The following PHLPP1 variants were observed in gnomAD, a reference collection of about 807,000 sequenced individuals.
PHLPP1 encodes PH domain and leucine rich repeat protein phosphatase 1, also known as PH domain leucine-rich repeat-containing protein phosphatase 1.
A neutral mutation model predicts 117.2 loss-of-function variants in PHLPP1; 42 were observed. The observed-to-expected ratio is 0.36, with a 90% CI of 0.28 to 0.46. PHLPP1 has a LOEUF of 0.46. Ranked by LOEUF, PHLPP1 falls within the 20% of genes least tolerant of loss-of-function variation. PHLPP1 has a pLI of 1.00. For missense variants in PHLPP1, 2,084 were observed against 2,241.9 expected (o/e 0.93, Z 1.42); for synonymous variants, 1,042 against 970.7 (o/e 1.07, Z -1.37).
At chr18:62,747,708 CG>C (rs1238770925) in intron 1 of PHLPP1, among the ~76,000 whole-genome samples, 2 of 151,724 alleles carry the variant, frequency 1.3e-5, no homozygotes, top group Non-Finnish European at 2.9e-5. Flanking sequence ...TTTGTAGAGA[CG>C]GGGTCTCACT....
At chr18:62,763,040 C>A (rs1307954056) in intron 1 of PHLPP1, among the ~76,000 whole-genome samples, 1 of 152,152 alleles carries the variant, frequency 6.6e-6, no homozygotes, top group East Asian at 1.9e-4. Context: ...GCAGCTAAAT[C>A]CACAAAGTCT....
intron 1 of PHLPP1, among the ~76,000 whole-genome samples, chr18:62,726,206 G>C (rs1410186313): frequency 6.6e-6 from 1 of 152,018 alleles, no homozygotes. Context: ...GGATGGGAGG[G>C]GGTGAGTAGG....
chr18:62,974,471 C>T (rs1397216313), intron 15 of PHLPP1, among the ~76,000 whole-genome samples: 2 of 152,158 alleles, frequency 1.3e-5, no homozygotes, highest in African/African-American at 4.8e-5. Context: ...TGAGGGTCTG[C>T]CCTTGTAAAA....
In PHLPP1 at chr18:62,978,220, G is replaced by A; in HGVS notation, c.3985-42G>A. ...GGGAACCTGCACAGTTGCCGCAGGT[G>A]CTCTGTATTAACTGTCTGTCTGCAA... On this transcript the variant is annotated intron_variant, in intron 16 of 16. Transcript: ENST00000262719. This position sits in a 1 kb window ranked among gnomAD's most constrained non-coding sequence, Gnocchi z 7.0. 1 of 1,213,936 alleles carries A rather than the reference G, an allele frequency of 8.2e-7. No homozygotes were observed. Among genetic ancestry groups the A allele is most frequent in the East Asian group, 2.5e-5 (1 of 40,700 alleles). The allele number at this position is 1,213,936 out of a possible 1,614,324, so 75.2% of individuals were successfully genotyped here.
intron 1 of PHLPP1, among the ~76,000 whole-genome samples, chr18:62,734,453 A>C (rs1366248073): frequency 6.6e-6 from 1 of 152,236 alleles, no homozygotes; most frequent in Non-Finnish European, 1.5e-5. Context: ...TACTACACAC[A>C]TGGCAAGTTG....
chr18:62,827,996 A>G (rs572307568), intron 1 of PHLPP1, among the ~76,000 whole-genome samples: 2 of 145,228 alleles, frequency 1.4e-5, no homozygotes, highest in East Asian at 2.0e-4. Flanking sequence ...TAAAATGCCT[A>G]CTTCTTTGCA....
chr18:62,977,682 C>A (rs1310708548), intron 16 of PHLPP1, among the ~76,000 whole-genome samples: 1 of 152,228 alleles, frequency 6.6e-6, no homozygotes, highest in Non-Finnish European at 1.5e-5. Flanking sequence ...TAAGTACTTT[C>A]AAGTCCTCTC....
At chr18:62,850,509 G>A (rs1395437990) in intron 3 of PHLPP1, among the ~76,000 whole-genome samples, 1 of 152,130 alleles carries the variant, frequency 6.6e-6, no homozygotes, top group Admixed American at 6.5e-5. Context: ...TTTCTCCTTT[G>A]TCAAGGCGAT....
At chr18:62,773,429 C>T (rs907441494) in intron 1 of PHLPP1, among the ~76,000 whole-genome samples, 2 of 152,140 alleles carry the variant, frequency 1.3e-5, no homozygotes, top group Non-Finnish European at 2.9e-5. Flanking sequence ...TTACTTGTCT[C>T]CCTGAGATAA....
chr18:62,827,127 C>T (rs1248761419), intron 1 of PHLPP1, among the ~76,000 whole-genome samples: 1 of 152,190 alleles, frequency 6.6e-6, no homozygotes, highest in East Asian at 1.9e-4. Context: ...ACCTTACCTA[C>T]TATGTGCCAA....
chr18:62,717,170 A>G lies in PHLPP1; in HGVS notation c.1487A>G (p.Tyr496Cys), dbSNP rs879030609. ...AAGCCATTGCAGATCCAAAATGACTACCTCTTCCAACTGGGATTTGGGGAG... is the reference window on the plus strand; with the variant it reads ...AAGCCATTGCAGATCCAAAATGACTGCCTCTTCCAACTGGGATTTGGGGAG... ...EEKPLQIQNDYLFQLGFGELW... is the reference protein window; with the variant it reads ...EEKPLQIQNDCLFQLGFGELW... Residue 496 changes from tyrosine to cysteine, a missense_variant, in exon 1 of 17, where the codon TAC (tyrosine) becomes TGC (cysteine). Tyr to Cys is a radical substitution (Grantham distance 194). This residue lies in a region of PHLPP1 where 1,365 missense variants were observed against 1,605.9 expected (regional missense o/e 0.85). Transcript: ENST00000262719. The G allele has an allele frequency of 1.2e-6, 2 of 1,613,226 alleles. No individual in the cohort carries two copies. Among genetic ancestry groups the G allele is most frequent in the Non-Finnish European group, 1.7e-6 (2 of 1,179,768 alleles).
intron 1 of PHLPP1, among the ~76,000 whole-genome samples, chr18:62,770,705 T>C (rs1912734113): frequency 6.6e-6 from 1 of 151,974 alleles, no homozygotes; most frequent in Admixed American, 6.6e-5. Flanking sequence ...CCAAAATGTT[T>C]GGAACCGGAA....
At position 62,979,465 on chromosome 18, in the gene PHLPP1, CA is replaced by C; in HGVS notation, c.*38del. The C allele has an allele frequency of 6.5e-7, 1 of 1,538,184 alleles. No homozygotes were observed. ...AGCTGTTTAACAAATAAACTAACCA[CA>C]AAAGACTGAGTTGCAAGAGTCTCCC... On this transcript the variant is annotated 3_prime_UTR_variant, in exon 17 of 17. Coordinates refer to ENST00000262719, the MANE Select transcript of PHLPP1 (RefSeq NM_194449.4).
At chr18:62,879,688 G>A (rs1044543797) in intron 4 of PHLPP1, among the ~76,000 whole-genome samples, 2 of 152,112 alleles carry the variant, frequency 1.3e-5, no homozygotes, top group Non-Finnish European at 2.9e-5. Context: ...GATTACAGGC[G>A]TGAGCCACTG....
intron 1 of PHLPP1, among the ~76,000 whole-genome samples, chr18:62,719,470 C>T (rs892127500): frequency 1.3e-5 from 2 of 152,198 alleles, no homozygotes; most frequent in African/African-American, 2.4e-5. Flanking sequence ...GTTGTCAGGA[C>T]TCCACATATA....
intron 1 of PHLPP1, among the ~76,000 whole-genome samples, chr18:62,814,312 T>G (rs1914204507): frequency 6.6e-6 from 1 of 152,198 alleles, no homozygotes; most frequent in Non-Finnish European, 1.5e-5. Flanking sequence ...GCAGTTAGTC[T>G]TAAATCTGTT....
chr18:62,716,761 T>C lies in PHLPP1; in HGVS notation c.1078T>C (p.Ser360Pro). The change falls in exon 1 of 17, where the codon TCT becomes CCT. Residue 360 changes from serine to proline, a missense_variant. This residue lies in a region of PHLPP1 where 719 missense variants were observed against 636.0 expected (regional missense o/e 1.13). Transcript: ENST00000262719. This position sits in a 1 kb window ranked among gnomAD's most constrained non-coding sequence, Gnocchi z 5.7. ...TCTGAGTCCCAGCGCCGAGAGCGTG[T>C]CTGACCGGTTGGACCCCTACAGCAG... ...FSLSPSAESVSDRLDPYSSGG... is the reference protein window; with the variant it reads ...FSLSPSAESVPDRLDPYSSGG... 1 of 1,522,590 alleles carries C rather than the reference T, an allele frequency of 6.6e-7. No homozygotes were observed. Among genetic ancestry groups the C allele is most frequent in the Non-Finnish European group, 8.8e-7 (1 of 1,140,678 alleles). The allele number at this position is 1,522,590 out of a possible 1,614,324, so 94.3% of individuals were successfully genotyped here. A position where few individuals can be genotyped will look rare whatever the true frequency, so the allele number is the denominator to read the frequency against.
rs144016559 is a variant in PHLPP1, at chr18:62,864,491, G to A, written c.2066+3890G>A. Among the ~76,000 whole-genome samples the A allele has an allele frequency of 1.4e-3, 211 of 152,320 alleles. 1 individual carries two copies. The highest frequency in any genetic ancestry group is 4.7e-3 in the African/African-American group (196 of 41,580). On this transcript the variant is annotated intron_variant, in intron 4 of 16. Transcript: ENST00000262719. The stretch of plus-strand genomic sequence containing the variant: ...GTCAGTCACAAAGCGTAGGTCTGGC[G>A]AGGGCCATTGATAACAGTGAGTTCC...
chr18:62,850,966 G>A (rs1480859079), intron 3 of PHLPP1, among the ~76,000 whole-genome samples: 1 of 152,168 alleles, frequency 6.6e-6, no homozygotes, highest in East Asian at 1.9e-4. Flanking sequence ...GGCCCTGTGT[G>A]TGCTCTTATG....
Sources: gnomAD v4.1 joint callset for allele counts (sites outside exome capture counted in the v4.1 genomes callset) on GRCh38, gnomAD v4.1.1 for gene constraint, gnomAD v4.1.1 regional missense constraint, Gnocchi (gnomAD v3.1) non-coding constraint, MANE v1.5 for transcripts, NCBI Gene and HGNC (gene_info 2026-07-23, HGNC 2026-07-21) for gene names.